AGRN: variants seen among roughly 807,000 people sequenced by gnomAD.
The protein encoded by AGRN is agrin, also known as agrin proteoglycan.
A neutral mutation model predicts 211.0 loss-of-function variants in AGRN; 106 were observed. The ratio of observed to expected loss-of-function variants is 0.50; its 90% CI spans 0.43 to 0.59. The LOEUF (loss-of-function observed/expected upper bound fraction) is 0.59, where lower values mean the gene tolerates loss of function less well. Ranked by LOEUF, AGRN falls within the 20% of genes least tolerant of loss-of-function variation. AGRN has a pLI of 0.00. For synonymous variants in AGRN, 1,525 were observed against 1,332.5 expected, an observed-to-expected ratio of 1.14 and a Z score of -3.15; for missense variants, 3,040 against 2,982.6, an observed-to-expected ratio of 1.02 and a Z score of -0.45.
chr1:1,049,268 C>G lies in AGRN; in HGVS notation c.4331C>G (p.Thr1444Ser), dbSNP rs1390973220. 6.3e-7 allele frequency: 1 copy of G among 1,594,604 alleles called. No individual in the cohort carries two copies. The highest frequency in any genetic ancestry group is 8.5e-7 in the Non-Finnish European group (1 of 1,177,336). The stretch of plus-strand genomic sequence containing the variant: ...ACAGGTTCGGGGCCGGCGGTGCTGA[C>G]CAGTGCCGTGCCGGTAGAGCCGGGC... ...FDTGSGPAVL[T>S]SAVPVEPGQW... The change falls in exon 25 of 36, where the codon ACC (threonine) becomes AGC (serine). Residue 1444 changes from threonine (T) to serine (S), a missense_variant. Coordinates refer to ENST00000379370, the MANE Select transcript of AGRN (RefSeq NM_198576.4).
chr1:1,027,154 G>T (rs1238914636), intron 2 of AGRN, among the ~76,000 whole-genome samples: 1 of 152,262 alleles, frequency 6.6e-6, no homozygotes, highest in East Asian at 1.9e-4. Context: ...GTCCCCCCAC[G>T]GAGCAGAGGC....
chr1:1,049,545 C>T (rs754040593), intron 25 of AGRN, 21 bp from the exon 26 acceptor site: 135 of 1,589,388 alleles, frequency 8.5e-5, no homozygotes, highest in Admixed American at 1.8e-4. Flanking sequence ...AGCCCTGACC[C>T]GGTGTCCCTC....
At chr1:1,040,563 G>A in intron 3 of AGRN, 102 bp from the exon 4 acceptor site, 3 of 1,372,418 alleles carry the variant, frequency 2.2e-6, no homozygotes, top group Non-Finnish European at 3.0e-6. Context: ...CGGCGCGGGG[G>A]CGGGTGAATG....
chr1:1,035,437 G>T lies in AGRN; in HGVS notation c.511+113G>T. ...GGAGTGTGTCTGGAGTGAGGAGGAG[G>T]CTGGACAAGGGCACCTGCGTCTGTC... On this transcript the variant is annotated intron_variant, in intron 3 of 35. Coordinates refer to ENST00000379370, the MANE Select transcript of AGRN (RefSeq NM_198576.4). 3 of 1,410,722 alleles carry T rather than the reference G, an allele frequency of 2.1e-6. No individual in the cohort carries two copies. The Admixed American group carries it at 5.0e-5, about 24-fold the overall frequency. The allele number at this position is 1,410,722 out of a possible 1,614,324, so 87.4% of individuals were successfully genotyped here.
At position 1,047,839 on chromosome 1, in the gene AGRN, G is replaced by T. The variant is rs746435538; in HGVS notation, c.3695G>T (p.Arg1232Leu). Residue 1232 changes from arginine to leucine, a missense_variant, in exon 22 of 36, where the codon CGC (arginine) becomes CTC (leucine). Arg to Leu is a moderately radical substitution (Grantham distance 102, BLOSUM62 -2). This residue lies in a region of AGRN where 1,537 missense variants were observed against 1,505.0 expected (regional missense o/e 1.02). Transcript: ENST00000379370. ...CTCCGGCAGATCCAGGTGTCCAGGC[G>T]CCGGTCCTTGGGGGTGAGGCGGCCG... ...ALLRQIQVSR[R>L]RSLGVRRPLQ... 31 of 1,605,218 alleles carry T rather than the reference G, an allele frequency of 1.9e-5. No individual in the cohort carries two copies. The highest frequency in any genetic ancestry group is 2.4e-5 in the Non-Finnish European group (28 of 1,176,704).
Position 1,022,537 on chromosome 1 carries a change from G to A in AGRN, c.463+75G>A, listed in dbSNP as rs571545860. Reference sequence around the variant, plus strand: ...CCAAGGGGGACAGGTTGCAGGGGTCGCTGTGCGGGGTCCTTTCGTGCTGTG... The same window carrying A: ...CCAAGGGGGACAGGTTGCAGGGGTCACTGTGCGGGGTCCTTTCGTGCTGTG... On this transcript the variant is annotated intron_variant, in intron 2 of 35. Coordinates refer to ENST00000379370, the MANE Select transcript of AGRN (RefSeq NM_198576.4). 2.2e-4 allele frequency: 324 copies of A among 1,499,050 alleles called. 1 individual carries two copies. The highest frequency in any genetic ancestry group is 2.7e-4 in the Non-Finnish European group (301 of 1,105,430). The allele number at this position is 1,499,050 out of a possible 1,614,324, so 92.9% of individuals were successfully genotyped here.
In AGRN at chr1:1,047,092, G is replaced by A. The variant is rs116472750; in HGVS notation, c.3388+135G>A. ...CGGCCCCCTCAAACATGTGCGTGCC[G>A]GGGACCCCACGCCTAACCCGTCTCT... is the stretch of plus-strand genomic sequence containing the variant. On this transcript the variant is annotated intron_variant, in intron 19 of 35. Coordinates refer to ENST00000379370, the MANE Select transcript of AGRN (RefSeq NM_198576.4). 41 of 1,438,010 alleles carry A rather than the reference G, an allele frequency of 2.9e-5. 1 individual carries two copies. The highest frequency in any genetic ancestry group is 2.1e-4 in the African/African-American group (15 of 70,724). 89.1% of individuals were successfully genotyped at this position (1,438,010 alleles called of 1,614,324 possible). A position where few individuals can be genotyped will look rare whatever the true frequency, so the allele number is the denominator to read the frequency against.
chr1:1,042,208 G>T, intron 7 of AGRN, 46 bp downstream of exon 7: 2 of 1,552,396 alleles, frequency 1.3e-6, no homozygotes, highest in African/African-American at 1.3e-5. Flanking sequence ...CTGCTCCTGC[G>T]TCAGTCCCTG....
chr1:1,033,520 T>C (rs1368751343), intron 2 of AGRN, among the ~76,000 whole-genome samples: 1 of 148,150 alleles, frequency 6.7e-6, no homozygotes, highest in Non-Finnish European at 1.5e-5. Context: ...CGCACCCGCC[T>C]CCGCTCCAGC....
Position 1,046,377 on chromosome 1 carries a change from C to A in AGRN, c.2912-20C>A. Reference sequence around the variant, plus strand: ...ACCCTGTCCCAACCGGTCCCCCCGCCAACCTCCCTCTCCTTGCAGAGGCTG... The same window carrying A: ...ACCCTGTCCCAACCGGTCCCCCCGCAAACCTCCCTCTCCTTGCAGAGGCTG... On this transcript the variant is annotated intron_variant, in intron 17 of 35. Transcript: ENST00000379370. 1 of 1,608,608 alleles carries A rather than the reference C, an allele frequency of 6.2e-7. No homozygotes were observed. Among genetic ancestry groups the A allele is most frequent in the East Asian group, 2.2e-5 (1 of 44,690 alleles).
rs1207156824 is a variant in AGRN, at chr1:1,043,747, G to A, written c.1798+15G>A. On this transcript the variant is annotated intron_variant, in intron 9 of 35. Transcript: ENST00000379370. ...TGGACCCTGTGGTGAGTGAGGCCCT[G>A]GGGCCGGGCGGGCCAGGGTCCTGTG... 1.9e-6 allele frequency: 3 copies of A among 1,601,840 alleles called. No individual in the cohort carries two copies. Among genetic ancestry groups the A allele is most frequent in the Non-Finnish European group, 2.5e-6 (3 of 1,179,732 alleles).
rs546741183 is a variant in AGRN, at chr1:1,028,282, G to A, written c.463+5820G>A. Among the ~76,000 whole-genome samples, 458 of 146,204 alleles carry A rather than the reference G, an allele frequency of 3.1e-3. 2 individuals carry two copies. Among genetic ancestry groups the A allele is most frequent in the African/African-American group, 0.011 (438 of 38,276 alleles). On this transcript the variant is annotated intron_variant, in intron 2 of 35. Coordinates refer to ENST00000379370, the MANE Select transcript of AGRN (RefSeq NM_198576.4). ...AGCTGATTCCTGCCTCGGAGCTGCC[G>A]TCTCCCCTGCTGGCCGTTCTCTCTC...
chr1:1,047,513 C>T (rs1645133244), intron 20 of AGRN, 59 bp downstream of exon 20: 3 of 1,612,866 alleles, frequency 1.9e-6, no homozygotes, highest in Middle Eastern at 1.6e-4. Context: ...ATACCCAGAG[C>T]AGCACCAGGG....
At chr1:1,025,221 G>A (rs1644493666) in intron 2 of AGRN, among the ~76,000 whole-genome samples, 2 of 151,870 alleles carry the variant, frequency 1.3e-5, no homozygotes. Flanking sequence ...AGTGAGTCTG[G>A]CGCCTTCCCA....
At chr1:1,034,630 G>T (rs1445108900) in intron 2 of AGRN, 1 of 987,298 alleles carries the variant, frequency 1.0e-6, no homozygotes, top group Non-Finnish European at 1.2e-6. Flanking sequence ...GCTTCATGGT[G>T]CCCTGCAACG....
At chr1:1,026,455 G>A (rs1219774312) in intron 2 of AGRN, among the ~76,000 whole-genome samples, 2 of 152,206 alleles carry the variant, frequency 1.3e-5, no homozygotes, top group Non-Finnish European at 2.9e-5. Flanking sequence ...CCGGCCAGAG[G>A]TCATTCCAGC....
intron 33 of AGRN, 110 bp downstream of exon 33, chr1:1,051,925 C>G (rs1170599508): frequency 2.6e-6 from 4 of 1,548,640 alleles, no homozygotes; most frequent in Non-Finnish European, 1.7e-6. Context: ...GCTGCCACCT[C>G]TGTCCTCCCG....
At chr1:1,035,166 C>G (rs530277061) in intron 2 of AGRN, 111 bp from the exon 3 acceptor site, 470 of 1,012,414 alleles carry the variant, frequency 4.6e-4, no homozygotes, top group South Asian at 4.0e-3. Context: ...CTGGGGCTAG[C>G]GGTGGGGGGG....
chr1:1,043,869 A>G lies in AGRN; in HGVS notation c.1845A>G (p.Ala615=), dbSNP rs772325293. Reference sequence around the variant, plus strand: ...GTGCTTTTGGGGCTGTGTGCTCCGCAGGGCAGTGTGTGTGTCCCCGGTGTG... The same window carrying G: ...GTGCTTTTGGGGCTGTGTGCTCCGCGGGGCAGTGTGTGTGTCCCCGGTGTG... ...AVCAFGAVCS[A]GQCVCPRCEH... Residue 615 remains alanine, a synonymous_variant, in exon 10 of 36, where the codon GCA becomes GCG. Transcript: ENST00000379370. 3.7e-6 allele frequency: 6 copies of G among 1,610,750 alleles called. No individual in the cohort carries two copies. In the East Asian group the frequency reaches 6.7e-5, roughly 18 times the overall value.
Sources: allele counts gnomAD v4.1 joint callset (sites outside exome capture counted in the v4.1 genomes callset), GRCh38; gene constraint gnomAD v4.1.1; regional missense constraint gnomAD v4.1.1; transcripts MANE v1.5; gene names NCBI Gene and HGNC (gene_info 2026-07-23, HGNC 2026-07-21).